Variants in PTOV1 observed in about 807,000 individuals in gnomAD.
The protein encoded by PTOV1 is PTOV1 extended AT-hook containing adaptor protein.
In PTOV1, 20 loss-of-function variants were observed where a neutral mutation model predicts 58.0. The observed-to-expected ratio is 0.34, with a 90% CI of 0.24 to 0.50. The LOEUF (loss-of-function observed/expected upper bound fraction) is 0.50. PTOV1 is among the 20% of genes least tolerant of loss of function. The pLI, the probability that PTOV1 is intolerant of heterozygous loss-of-function variation, is 0.98. For missense variants in PTOV1, 593 were observed against 565.4 expected, an observed-to-expected ratio of 1.05 and a Z score of -0.50; for synonymous variants, 335 against 234.2, an observed-to-expected ratio of 1.43 and a Z score of -3.93.
At chr19:49,852,205 C>G (rs1247682874) in intron 1 of PTOV1, 1 of 476,126 alleles carries the variant, frequency 2.1e-6, no homozygotes, top group African/African-American at 2.1e-5. Flanking sequence ...TGAGATTTCC[C>G]CTGGGTTCGC....
At chr19:49,860,618 C>T (rs2074716069) in exon 12 of PTOV1, 2 of 500,294 alleles carry the variant, frequency 4.0e-6, no homozygotes, top group Non-Finnish European at 7.1e-6. Context: ...CCCCAGGTGA[C>T]ACGCTTCTGA....
At chr19:49,858,216 G>C (rs531129593) in intron 9 of PTOV1, 102 bp downstream of exon 9, 3 of 1,407,272 alleles carry the variant, frequency 2.1e-6, no homozygotes, top group African/African-American at 2.8e-5. Flanking sequence ...AGCTGGCTGT[G>C]AGGGAGCGGA....
At chr19:49,856,535 T>C (rs1289067927) in intron 5 of PTOV1, 2 of 188,748 alleles carry the variant, frequency 1.1e-5, no homozygotes, top group Non-Finnish European at 2.2e-5. Context: ...TGGCACCAAC[T>C]GTGTGCACTA....
At chr19:49,857,350 G>C in intron 6 of PTOV1, 1 of 667,274 alleles carries the variant, frequency 1.5e-6, no homozygotes, top group South Asian at 1.9e-5. Context: ...TTGGCGCGGC[G>C]GCAGGGAAGC....
At chr19:49,857,091 C>T (rs752701663) in exon 6 of PTOV1, 91 of 1,613,978 alleles carry the variant, frequency 5.6e-5, no homozygotes, top group African/African-American at 1.2e-4. Flanking sequence ...AGAGCGGCTT[C>T]GTCAGTGCCA....
chr19:49,858,148 C>T lies in PTOV1; in HGVS notation c.936+34C>T, dbSNP rs146437714. 1.5e-4 allele frequency: 238 copies of T among 1,606,740 alleles called. No homozygotes were observed. The African/African-American group carries it at 2.4e-3, about 16-fold the overall frequency. On this transcript the variant is annotated intron_variant, in intron 9 of 11. Transcript: ENST00000391842. ...CTGGGGCCGGGTGCTGGAGCCTGCACGCAGTAGCTCTTCCAGAGGGCGGGG... is the reference window on the plus strand; with the variant it reads ...CTGGGGCCGGGTGCTGGAGCCTGCATGCAGTAGCTCTTCCAGAGGGCGGGG...
rs1339882485 is a variant in PTOV1, at chr19:49,855,409, A to G, written c.558+332A>G. ...ACATAGCGTATGGCAGGGACCTGGTAAATGGGTGTGCTAGGCACAAGAGCC... is the reference window on the plus strand; with the variant it reads ...ACATAGCGTATGGCAGGGACCTGGTGAATGGGTGTGCTAGGCACAAGAGCC... On this transcript the variant is annotated intron_variant, in intron 5 of 11. Coordinates refer to ENST00000391842, the Ensembl canonical transcript of PTOV1. 2.2e-5 allele frequency: 8 copies of G among 360,432 alleles called. No homozygotes were observed. In the East Asian group the frequency reaches 4.7e-4, roughly 21 times the overall value. The allele number at this position is 360,432 out of a possible 1,614,324, so 22.3% of individuals were successfully genotyped here.
At chr19:49,855,072 G>A (rs775056936) in exon 5 of PTOV1, 19 of 1,589,304 alleles carry the variant, frequency 1.2e-5, no homozygotes, top group South Asian at 1.1e-4. Context: ...CATGGGCAAC[G>A]GCTTCGTGAG....
chr19:49,858,410 C>A, intron 9 of PTOV1, 139 bp from the exon 10 acceptor site: 1 of 727,088 alleles, frequency 1.4e-6, no homozygotes, highest in Non-Finnish European at 2.3e-6. Flanking sequence ...GCTGGTTGAG[C>A]GGTGGAGATG....
exon 1 of PTOV1, chr19:49,851,186 C>A: frequency 8.2e-7 from 1 of 1,220,882 alleles, no homozygotes. Context: ...GACCCCACTC[C>A]GGCGGCGCGT....
chr19:49,858,899 A>G lies in PTOV1; in HGVS notation c.1041+246A>G, dbSNP rs933354777. Reference sequence around the variant, plus strand: ...CCACATCAGGGCTGACTCAGCACCAACTCCGCGCTCTCCACTCCTCAGGGA... The same window carrying G: ...CCACATCAGGGCTGACTCAGCACCAGCTCCGCGCTCTCCACTCCTCAGGGA... On this transcript the variant is annotated intron_variant, in intron 10 of 11. Coordinates refer to ENST00000391842, the Ensembl canonical transcript of PTOV1. 5.2e-5 allele frequency: 23 copies of G among 445,026 alleles called. No homozygotes were observed. In the East Asian group the frequency reaches 6.9e-4, roughly 13 times the overall value. The allele number at this position is 445,026 out of a possible 1,614,324, so 27.6% of individuals were successfully genotyped here. A position where few individuals can be genotyped will look rare whatever the true frequency, so the allele number is the denominator to read the frequency against.
At position 49,851,948 on chromosome 19, in the gene PTOV1, C is replaced by G. The variant is rs926528911; in HGVS notation, c.171+449C>G. On this transcript the variant is annotated intron_variant, in intron 1 of 11. Transcript: ENST00000391842. ...ATGTCGCACCCGTGGGCGTTCTCCC[C>G]TGGCGGCCGCTCCGTGCCCGTGGAG... 75 of 974,528 alleles carry G rather than the reference C, an allele frequency of 7.7e-5. 2 individuals carry two copies. The Admixed American group carries it at 9.6e-4, about 13-fold the overall frequency. 60.4% of individuals were successfully genotyped at this position (974,528 alleles called of 1,614,324 possible).
At chr19:49,857,862 G>GTCTCCAGC in intron 7 of PTOV1, 42 bp from the exon 8 acceptor site, 1 of 1,612,142 alleles carries the variant, frequency 6.2e-7, no homozygotes, top group Non-Finnish European at 8.5e-7. Context: ...GGCATTGGGG[G>GTCTCCAGC]TCTCCAGCCC....
At chr19:49,856,948 C>T in intron 5 of PTOV1, 27 bp from the exon 6 acceptor site, 2 of 1,610,834 alleles carry the variant, frequency 1.2e-6, no homozygotes, top group South Asian at 1.1e-5. Context: ...GCAGTGACCA[C>T]AGGGTCCTGA....
exon 12 of PTOV1, chr19:49,860,356 T>C (rs762977311): frequency 1.2e-4 from 152 of 1,248,190 alleles, no homozygotes; most frequent in Non-Finnish European, 1.5e-4. Context: ...GACCCTGTCA[T>C]GTACAGGAGG....
chr19:49,857,825 C>T lies in PTOV1; in HGVS notation c.804+43C>T, dbSNP rs1422491685. On this transcript the variant is annotated intron_variant, in intron 7 of 11. Transcript: ENST00000391842. ...CAGGGACTTGGGACCCCCAGATCCT[C>T]ACGGACTGTGGCTGGGAGGGGACAC... The T allele has an allele frequency of 4.3e-6, 7 of 1,612,594 alleles. 1 individual carries two copies. The highest frequency in any genetic ancestry group is 1.6e-4 in the Middle Eastern group (1 of 6,084).
chr19:49,851,401 C>A (rs935663721), exon 1 of PTOV1: 7 of 1,190,008 alleles, frequency 5.9e-6, no homozygotes, highest in Non-Finnish European at 6.2e-6. Flanking sequence ...CCGCCCTCCG[C>A]GGCCCCTCGT....
Position 49,858,543 on chromosome 19 carries a change from C to T in PTOV1, c.937-6C>T. The T allele has an allele frequency of 6.3e-7, 1 of 1,589,564 alleles. No homozygotes were observed. The highest frequency in any genetic ancestry group is 8.6e-7 in the Non-Finnish European group (1 of 1,167,076). On this transcript the variant is annotated splice_polypyrimidine_tract_variant and splice_region_variant and intron_variant, in intron 9 of 11. Transcript: ENST00000391842. ...CAGAGCTGGGGGTCCCCTCGCTTCC[C>T]CGCAGACCACCCTAGTGCCGCTGTT...
chr19:49,859,617 A>G (rs2074655382), intron 10 of PTOV1, among the ~76,000 whole-genome samples: 1 of 151,578 alleles, frequency 6.6e-6, no homozygotes, highest in Non-Finnish European at 1.5e-5. Context: ...GAAAGGCTCC[A>G]TGTACCTCAG....
Sources: allele counts gnomAD v4.1 joint callset (sites outside exome capture counted in the v4.1 genomes callset), GRCh38; gene constraint gnomAD v4.1.1; transcripts MANE v1.5; gene names NCBI Gene and HGNC (gene_info 2026-07-23, HGNC 2026-07-21).